Variants in KCNQ5 observed in about 807,000 individuals in gnomAD.
KCNQ5 encodes potassium voltage-gated channel subfamily KQT member 5.
Under a neutral mutation model 98.2 loss-of-function variants are expected in KCNQ5, and 30 were observed. The observed-to-expected ratio is 0.31, with a 90% CI of 0.23 to 0.41. The LOEUF is 0.41. Ranked by LOEUF, KCNQ5 falls within the 10% of genes least tolerant of loss-of-function variation. The pLI is 1.00. For missense variants in KCNQ5, 835 were observed against 1,182.5 expected, an observed-to-expected ratio of 0.71 and a Z score of 4.31; for synonymous variants, 458 against 449.4, an observed-to-expected ratio of 1.02 and a Z score of -0.24.
chr6:72,768,372 G>A (rs1772684905), intron 1 of KCNQ5, among the ~76,000 whole-genome samples: 1 of 151,936 alleles, frequency 6.6e-6, no homozygotes, highest in Non-Finnish European at 1.5e-5. Flanking sequence ...GTGAGGAAGG[G>A]AAGATAACTT....
At chr6:73,129,073 A>G (rs1776115748) in intron 9 of KCNQ5, among the ~76,000 whole-genome samples, 1 of 152,198 alleles carries the variant, frequency 6.6e-6, no homozygotes, top group Admixed American at 6.5e-5. Context: ...GTGTTGTTAA[A>G]CTAAACTCAA....
At chr6:73,164,725 T>C (rs1328962175) in intron 10 of KCNQ5, among the ~76,000 whole-genome samples, 1 of 147,984 alleles carries the variant, frequency 6.8e-6, no homozygotes, top group Non-Finnish European at 1.5e-5. Context: ...AAGGACTCTA[T>C]ATTTTATGCT....
In KCNQ5 at chr6:72,795,731, A is replaced by G. The variant is rs558733279; in HGVS notation, c.398+173144A>G. Among the ~76,000 whole-genome samples the G allele has an allele frequency of 6.6e-5, 10 of 152,358 alleles. No individual in the cohort carries two copies. The East Asian group carries it at 1.9e-3, about 29-fold the overall frequency. ...GGAGTCACTCACTGATGTGAACTAC[A>G]GGGATTATTACCAAAAGTTTACACA... On this transcript the variant is annotated intron_variant, in intron 1 of 13. Coordinates refer to ENST00000370398, the MANE Select transcript of KCNQ5 (RefSeq NM_019842.4).
chr6:73,048,320 G>T (rs948881553), intron 3 of KCNQ5, among the ~76,000 whole-genome samples: 1 of 152,192 alleles, frequency 6.6e-6, no homozygotes, highest in Admixed American at 6.5e-5. Context: ...AATAGTAATT[G>T]CAAGGATTAT....
At chr6:73,073,466 C>T (rs916524047) in intron 3 of KCNQ5, among the ~76,000 whole-genome samples, 3 of 152,132 alleles carry the variant, frequency 2.0e-5, no homozygotes, top group African/African-American at 7.2e-5. Context: ...CTCGTAGCAA[C>T]CCCCTTCCCA....
At chr6:73,077,693 C>T (rs1053386501) in intron 4 of KCNQ5, 69 bp from the exon 5 acceptor site, 7 of 1,420,478 alleles carry the variant, frequency 4.9e-6, no homozygotes, top group Non-Finnish European at 6.8e-6. Context: ...ATAGAATCCT[C>T]ATAGAATTCT....
chr6:72,999,628 G>A (rs1014043091), intron 1 of KCNQ5, among the ~76,000 whole-genome samples: 6 of 152,110 alleles, frequency 3.9e-5, no homozygotes, highest in Non-Finnish European at 7.4e-5. Context: ...TGTGCCATGG[G>A]CCCTTCAGCA....
At chr6:72,757,015 A>G (rs1231673053) in intron 1 of KCNQ5, among the ~76,000 whole-genome samples, 1 of 152,172 alleles carries the variant, frequency 6.6e-6, no homozygotes, top group Admixed American at 6.5e-5. Flanking sequence ...CTTCCAAATG[A>G]ATGAAATGTA....
intron 1 of KCNQ5, among the ~76,000 whole-genome samples, chr6:72,645,216 AAAAAAAAC>A (rs1565053322): frequency 6.8e-6 from 1 of 146,144 alleles, no homozygotes; most frequent in African/African-American, 2.6e-5. Context: ...AAAAAAAACA[AAAAAAAAC>A]AAAAAAAACA....
At chr6:72,797,253 C>T (rs1054405873) in intron 1 of KCNQ5, among the ~76,000 whole-genome samples, 4 of 152,082 alleles carry the variant, frequency 2.6e-5, no homozygotes, top group African/African-American at 4.8e-5. Context: ...TGTGATGGCT[C>T]ATGCCTGTAG....
intron 1 of KCNQ5, among the ~76,000 whole-genome samples, chr6:72,883,347 G>A (rs767737790): frequency 3.3e-5 from 5 of 151,996 alleles, no homozygotes; most frequent in Admixed American, 6.6e-5. Context: ...TGGGTGTGCT[G>A]TCTTTGTAAA....
At chr6:73,127,493 G>A (rs1043189437) in intron 9 of KCNQ5, among the ~76,000 whole-genome samples, 2 of 151,528 alleles carry the variant, frequency 1.3e-5, no homozygotes, top group Admixed American at 6.6e-5. Flanking sequence ...GCCAACATCC[G>A]CCTCTGGGTG....
Position 73,077,410 on chromosome 6 carries a change from T to C in KCNQ5, c.705T>C (p.Arg235=), listed in dbSNP as rs1224122945. Residue 235 remains arginine (R), a synonymous_variant, in exon 4 of 14, where the codon CGT becomes CGC. Coordinates refer to ENST00000370398, the MANE Select transcript of KCNQ5 (RefSeq NM_019842.4). ...IFATSALRSL[R]FLQILRMVRM... ...CCACGTCTGCACTCAGAAGTCTCCGTTTCCTACAGATCCTCCGCATGGTGC... is the reference window on the plus strand; with the variant it reads ...CCACGTCTGCACTCAGAAGTCTCCGCTTCCTACAGATCCTCCGCATGGTGC... 3.7e-6 allele frequency: 6 copies of C among 1,614,070 alleles called. No individual in the cohort carries two copies. The Admixed American group carries it at 8.3e-5, about 22-fold the overall frequency.
At chr6:73,107,436 G>A (rs13210420) in intron 6 of KCNQ5, among the ~76,000 whole-genome samples, 7,257 of 152,258 alleles carry the variant, frequency 0.048, 233 homozygotes, top group Non-Finnish European at 0.074. Context: ...AAGACTAACA[G>A]CAAAGAAGGG....
chr6:72,797,566 C>A (rs1345394311), intron 1 of KCNQ5, among the ~76,000 whole-genome samples: 4 of 151,874 alleles, frequency 2.6e-5, no homozygotes, highest in Non-Finnish European at 5.9e-5. Flanking sequence ...ACAAATACCC[C>A]TAACATGCTA....
At chr6:73,003,021 G>A (rs181090538) in intron 1 of KCNQ5, among the ~76,000 whole-genome samples, 5 of 152,118 alleles carry the variant, frequency 3.3e-5, no homozygotes, top group Admixed American at 2.6e-4. Flanking sequence ...TTCCCAGAGA[G>A]GAACACAAGT....
chr6:73,083,736 T>C (rs1046281035), intron 5 of KCNQ5, among the ~76,000 whole-genome samples: 9 of 152,232 alleles, frequency 5.9e-5, no homozygotes, highest in Non-Finnish European at 1.2e-4. Context: ...GACTTCTCTG[T>C]GTATTCTCAT....
chr6:73,042,809 C>T (rs921791139), intron 3 of KCNQ5, among the ~76,000 whole-genome samples: 2 of 152,012 alleles, frequency 1.3e-5, no homozygotes, highest in East Asian at 3.9e-4. Context: ...CTAGCATTTC[C>T]CAGTAATATT....
At chr6:72,855,705 G>C (rs1055201243) in intron 1 of KCNQ5, among the ~76,000 whole-genome samples, 4 of 152,168 alleles carry the variant, frequency 2.6e-5, no homozygotes, top group African/African-American at 7.2e-5. Context: ...GAAGTAAATG[G>C]TCTATGAGTC....
Sources: gnomAD v4.1 joint callset for allele counts (sites outside exome capture counted in the v4.1 genomes callset) on GRCh38, gnomAD v4.1.1 for gene constraint, MANE v1.5 for transcripts, NCBI Gene and HGNC (gene_info 2026-07-23, HGNC 2026-07-21) for gene names.